The following EIPR1 variants were observed in gnomAD, a reference collection of about 807,000 sequenced individuals.
EIPR1 encodes the protein EARP complex and GARP complex interacting protein 1, also known as EARP and GARP complex-interacting protein 1.
EIPR1 carries 25 observed loss-of-function variants against 48.1 expected under a neutral mutation model. That is an observed-to-expected ratio of 0.52 (90% CI 0.38 to 0.73). The LOEUF (loss-of-function observed/expected upper bound fraction) is 0.73, where lower values mean the gene tolerates loss of function less well. EIPR1 is among the 30% of genes least tolerant of loss of function. EIPR1 has a pLI of 0.00. For synonymous variants in EIPR1, 204 were observed against 201.9 expected (o/e 1.01, Z -0.09); for missense variants, 415 against 506.2 (o/e 0.82, Z 1.73).
At chr2:3,357,207 C>T (rs189338349) in intron 1 of EIPR1, among the ~76,000 whole-genome samples, 13 of 152,332 alleles carry the variant, frequency 8.5e-5, no homozygotes, top group Non-Finnish European at 1.6e-4. Context: ...CAATCCCACC[C>T]CATGGAGCGT....
At chr2:3,202,940 G>A (rs1233650390) in intron 5 of EIPR1, among the ~76,000 whole-genome samples, 2 of 152,194 alleles carry the variant, frequency 1.3e-5, no homozygotes, top group Non-Finnish European at 1.5e-5. Context: ...CAGCCGTGCC[G>A]AGTGCCATGA....
intron 5 of EIPR1, among the ~76,000 whole-genome samples, chr2:3,201,564 C>T (rs943797917): frequency 3.9e-5 from 6 of 152,178 alleles, no homozygotes; most frequent in Admixed American, 6.5e-5. Flanking sequence ...GGAGGGAGAG[C>T]GTGGCTCCCA....
At chr2:3,274,622 G>T (rs1303253057) in intron 3 of EIPR1, among the ~76,000 whole-genome samples, 1 of 151,566 alleles carries the variant, frequency 6.6e-6, no homozygotes, top group African/African-American at 2.4e-5. Context: ...CAGAAGAAAG[G>T]TCTCAAATTC....
At chr2:3,272,868 C>T (rs1417049915) in intron 3 of EIPR1, among the ~76,000 whole-genome samples, 1 of 152,162 alleles carries the variant, frequency 6.6e-6, no homozygotes, top group Non-Finnish European at 1.5e-5. Flanking sequence ...CAATAAAGCC[C>T]AGTGCAATAC....
At chr2:3,247,271 G>A (rs11127392) in intron 4 of EIPR1, among the ~76,000 whole-genome samples, 87,278 of 152,002 alleles carry the variant, frequency 0.57, 25,406 homozygotes, top group East Asian at 0.76. Flanking sequence ...ACAAGAATGC[G>A]CCGAGGTTTC....
Position 3,191,343 on chromosome 2 carries a change from G to A in EIPR1, c.989+1071C>T, listed in dbSNP as rs920503870. Among the ~76,000 whole-genome samples the A allele has an allele frequency of 2.7e-5, 4 of 150,866 alleles. No homozygotes were observed. In the South Asian group the frequency reaches 6.4e-4, roughly 24 times the overall value. On this transcript the variant is annotated intron_variant, in intron 8 of 8. Coordinates refer to ENST00000382125, the MANE Select transcript of EIPR1 (RefSeq NM_003310.5). Reference sequence around the variant, plus strand: ...ACAGAGACAATCAGATGGGCCCATCGCCACTGCAGAGAGGGTCTGAAGACA... The same window carrying A: ...ACAGAGACAATCAGATGGGCCCATCACCACTGCAGAGAGGGTCTGAAGACA...
chr2:3,270,312 C>T (rs960197211), intron 3 of EIPR1, among the ~76,000 whole-genome samples: 10 of 152,200 alleles, frequency 6.6e-5, no homozygotes, highest in Non-Finnish European at 1.0e-4. Flanking sequence ...CCAACACTCC[C>T]GCAGAGGGCC....
intron 5 of EIPR1, among the ~76,000 whole-genome samples, chr2:3,209,561 G>A (rs540740153): frequency 5.9e-5 from 9 of 152,306 alleles, no homozygotes; most frequent in African/African-American, 2.2e-4. Context: ...AGCAGGAGAC[G>A]ATCTTCAGCA....
At chr2:3,322,948 C>A (rs768058420) in intron 3 of EIPR1, among the ~76,000 whole-genome samples, 1 of 152,164 alleles carries the variant, frequency 6.6e-6, no homozygotes, top group Non-Finnish European at 1.5e-5. Flanking sequence ...GGCGTACGTG[C>A]GAGGTGTCCC....
intron 6 of EIPR1, 186 bp from the exon 7 acceptor site, chr2:3,194,352 G>T: frequency 1.7e-6 from 1 of 601,170 alleles, no homozygotes; most frequent in Non-Finnish European, 2.9e-6. Context: ...CAGCAACCCT[G>T]TGTGGTCGCA....
At chr2:3,276,111 G>C (rs1667840194) in intron 3 of EIPR1, among the ~76,000 whole-genome samples, 1 of 152,182 alleles carries the variant, frequency 6.6e-6, no homozygotes, top group Non-Finnish European at 1.5e-5. Context: ...CAATTTCATA[G>C]GCATTGCTAT....
chr2:3,283,228 G>C (rs544003274), intron 3 of EIPR1, among the ~76,000 whole-genome samples: 2 of 152,140 alleles, frequency 1.3e-5, no homozygotes, highest in African/African-American at 2.4e-5. Flanking sequence ...CATCCTAAGA[G>C]GGTCCATGCA....
chr2:3,320,081 G>A (rs1669475509), intron 3 of EIPR1: 1 of 169,450 alleles, frequency 5.9e-6, no homozygotes, highest in Admixed American at 6.9e-5. Context: ...CACACCTGCG[G>A]GCAACACCGC....
intron 5 of EIPR1, among the ~76,000 whole-genome samples, chr2:3,206,052 G>A (rs999787476): frequency 5.9e-5 from 9 of 152,174 alleles, no homozygotes; most frequent in Non-Finnish European, 8.8e-5. Context: ...TGATGGAGGC[G>A]ATGGAAATGA....
intron 5 of EIPR1, among the ~76,000 whole-genome samples, chr2:3,199,678 G>C (rs1361106973): frequency 6.6e-6 from 1 of 151,842 alleles, no homozygotes; most frequent in African/African-American, 2.4e-5. Context: ...CTGGACAGAG[G>C]TAACAGGGCT....
At chr2:3,335,994 G>A (rs1008248213) in intron 3 of EIPR1, among the ~76,000 whole-genome samples, 1 of 152,168 alleles carries the variant, frequency 6.6e-6, no homozygotes, top group African/African-American at 2.4e-5. Context: ...AAAGGCCGAG[G>A]ACGGGCCACA....
At chr2:3,362,649 C>CAA (rs34072545) in intron 1 of EIPR1, among the ~76,000 whole-genome samples, 21,343 of 99,936 alleles carry the variant, frequency 0.21, 1,796 homozygotes, top group Non-Finnish European at 0.26. Flanking sequence ...GACTCTGTCT[C>CAA]AAAAAAAAAA....
intron 4 of EIPR1, among the ~76,000 whole-genome samples, chr2:3,234,468 C>T (rs1363288623): frequency 1.3e-5 from 2 of 152,036 alleles, no homozygotes; most frequent in African/African-American, 4.8e-5. Context: ...ATCGAGGCTC[C>T]GGCAGCCAGG....
chr2:3,288,156 G>A (rs947678885), intron 3 of EIPR1, among the ~76,000 whole-genome samples: 5 of 152,306 alleles, frequency 3.3e-5, no homozygotes, highest in Admixed American at 2.0e-4. Flanking sequence ...GTCTCCCGCC[G>A]CCACCTGGGG....
Sources: gnomAD v4.1 joint callset for allele counts (sites outside exome capture counted in the v4.1 genomes callset) on GRCh38, gnomAD v4.1.1 for gene constraint, MANE v1.5 for transcripts, NCBI Gene and HGNC (gene_info 2026-07-23, HGNC 2026-07-21) for gene names.